Variants in LRP1B observed in about 807,000 individuals in gnomAD.
LRP1B encodes LDL receptor related protein 1B.
In LRP1B, 217 loss-of-function variants were observed where a neutral mutation model predicts 556.6. That is an observed-to-expected ratio of 0.39 (90% CI 0.35 to 0.44). The LOEUF is 0.44. Ranked by LOEUF, LRP1B falls within the 20% of genes least tolerant of loss-of-function variation. The pLI is 1.00. For missense variants in LRP1B, 5,053 were observed against 5,620.8 expected (o/e 0.90, Z 3.23); for synonymous variants, 2,047 against 1,865.8 (o/e 1.10, Z -2.50).
At chr2:141,825,012 G>A (rs945098850) in intron 1 of LRP1B, among the ~76,000 whole-genome samples, 1 of 152,152 alleles carries the variant, frequency 6.6e-6, no homozygotes, top group African/African-American at 2.4e-5. Flanking sequence ...CTGCCACCTT[G>A]TGAAGAAGGT....
chr2:140,985,185 C>T (rs190345930), intron 17 of LRP1B, among the ~76,000 whole-genome samples: 37 of 152,076 alleles, frequency 2.4e-4, no homozygotes, highest in African/African-American at 8.2e-4. Context: ...TCTCACAAGG[C>T]ACACCAACCA....
In LRP1B at chr2:140,886,299, T is replaced by C; in HGVS notation, c.3803A>G (p.His1268Arg). 14 of 1,603,972 alleles carry C rather than the reference T, an allele frequency of 8.7e-6. No homozygotes were observed. The highest frequency in any genetic ancestry group is 1.2e-5 in the Non-Finnish European group (14 of 1,174,278). ...GTGAAGATCAATCCTTCTGATCTCA[T>C]GACGAATAGAAAAGATGATGAATGC... ...FEAFIIFSIRHEIRRIDLHKR... is the reference protein window; with the variant it reads ...FEAFIIFSIRREIRRIDLHKR... Residue 1268 changes from histidine to arginine, a missense_variant, in exon 24 of 91, where the codon CAT becomes CGT. His to Arg is a conservative substitution (Grantham distance 29). Transcript: ENST00000389484.
rs1682980483 is a variant in LRP1B at position 140,371,261 on chromosome 2, T to A, written c.10793A>T (p.Glu3598Val). 1 of 1,585,368 alleles carries A rather than the reference T, an allele frequency of 6.3e-7. No individual in the cohort carries two copies. Among genetic ancestry groups the A allele is most frequent in the Non-Finnish European group, 8.6e-7 (1 of 1,165,520 alleles). ...EPASPTCSSR[E>V]YICASDGCIS... ...ACATCCATCACTGGCACATATATAT[T>A]CACGTGATGAGCAAGTAGGAGAAGC... Residue 3598 changes from glutamate (E) to valine (V), a missense_variant, in exon 70 of 91, where the codon GAA becomes GTA. Physicochemically the swap from Glu to Val is moderately radical, Grantham distance 121. This residue lies in a region of LRP1B where 599 missense variants were observed against 648.4 expected (regional missense o/e 0.92). Coordinates refer to ENST00000389484, the MANE Select transcript of LRP1B (RefSeq NM_018557.3).
chr2:140,463,271 G>A (rs903644707), intron 60 of LRP1B, among the ~76,000 whole-genome samples: 2 of 152,208 alleles, frequency 1.3e-5, no homozygotes, highest in African/African-American at 2.4e-5. Flanking sequence ...CTCCAGAGAA[G>A]GATCGTGGAG....
intron 68 of LRP1B, among the ~76,000 whole-genome samples, chr2:140,374,166 C>A (rs763901749): frequency 2.0e-5 from 3 of 152,176 alleles, no homozygotes; most frequent in African/African-American, 4.8e-5. Context: ...CTAGAAATCA[C>A]CTTCCCTGGG....
intron 20 of LRP1B, among the ~76,000 whole-genome samples, chr2:140,936,908 C>G (rs1196436123): frequency 6.6e-6 from 1 of 152,064 alleles, no homozygotes; most frequent in Non-Finnish European, 1.5e-5. Context: ...CCTCCAATTA[C>G]TTTTGCACCA....
intron 1 of LRP1B, among the ~76,000 whole-genome samples, chr2:141,948,431 A>G (rs1006640383): frequency 6.6e-6 from 1 of 152,024 alleles, no homozygotes; most frequent in African/African-American, 2.4e-5. Flanking sequence ...TATATTTTTG[A>G]CCCAGTAACA....
At chr2:140,841,167 C>CCCTTAGATAGAAAA in intron 29 of LRP1B, 75 bp from the exon 30 acceptor site, 1 of 925,498 alleles carries the variant, frequency 1.1e-6, no homozygotes. Flanking sequence ...TAGTTATTTT[C>CCCTTAGATAGAAAA]TATCTAAGGG....
chr2:141,596,567 C>A (rs775020678), intron 2 of LRP1B, among the ~76,000 whole-genome samples: 3 of 151,934 alleles, frequency 2.0e-5, no homozygotes, highest in Non-Finnish European at 2.9e-5. Context: ...TTCAACATAA[C>A]CACAAATGCA....
At chr2:141,313,337 T>G (rs1417039430) in intron 3 of LRP1B, among the ~76,000 whole-genome samples, 1 of 152,048 alleles carries the variant, frequency 6.6e-6, no homozygotes, top group Non-Finnish European at 1.5e-5. Context: ...TAGAAATTTT[T>G]AGTTCCTCAA....
intron 15 of LRP1B, among the ~76,000 whole-genome samples, chr2:141,004,804 A>G (rs1235292845): frequency 6.6e-6 from 1 of 152,096 alleles, no homozygotes; most frequent in Non-Finnish European, 1.5e-5. Context: ...TAACAGAATA[A>G]TAAGATGCAG....
At chr2:140,911,678 T>C (rs1270705244) in intron 21 of LRP1B, among the ~76,000 whole-genome samples, 1 of 151,788 alleles carries the variant, frequency 6.6e-6, no homozygotes, top group African/African-American at 2.4e-5. Flanking sequence ...AAATATGACA[T>C]TCTATACTTA....
At chr2:142,127,216 C>T (rs1207475558) in intron 1 of LRP1B, among the ~76,000 whole-genome samples, 1 of 151,922 alleles carries the variant, frequency 6.6e-6, no homozygotes. Flanking sequence ...CAGATTCACA[C>T]TGGTGGCACT....
intron 3 of LRP1B, among the ~76,000 whole-genome samples, chr2:141,277,803 C>T (rs139346468): frequency 6.6e-6 from 1 of 151,218 alleles, no homozygotes; most frequent in East Asian, 1.9e-4. Context: ...AGAAGTGGTG[C>T]AGATACAAGA....
At chr2:140,461,790 C>T (rs371490994) in intron 60 of LRP1B, among the ~76,000 whole-genome samples, 5 of 151,646 alleles carry the variant, frequency 3.3e-5, no homozygotes, top group Admixed American at 6.6e-5. Context: ...GCTGTGATCG[C>T]GCCATTGCAC....
intron 1 of LRP1B, among the ~76,000 whole-genome samples, chr2:141,905,754 G>T (rs897345767): frequency 2.1e-5 from 2 of 97,528 alleles, no homozygotes; most frequent in Admixed American, 2.5e-4. Flanking sequence ...AAATGGATCT[G>T]GTTTGAATAG....
intron 41 of LRP1B, among the ~76,000 whole-genome samples, chr2:140,629,315 C>T (rs1367500408): frequency 6.6e-6 from 1 of 151,968 alleles, no homozygotes; most frequent in Admixed American, 6.6e-5. Flanking sequence ...CGATCCACCC[C>T]CCTTGGCCTC....
chr2:141,524,533 A>G (rs995712965), intron 2 of LRP1B, among the ~76,000 whole-genome samples: 2 of 152,068 alleles, frequency 1.3e-5, no homozygotes, highest in African/African-American at 2.4e-5. Flanking sequence ...ACATATTCAT[A>G]AACTTTCTTA....
chr2:141,169,800 C>CAAAAAAAAAAAAAAAA (rs574461113), intron 7 of LRP1B, among the ~76,000 whole-genome samples: 1 of 87,392 alleles, frequency 1.1e-5, no homozygotes, highest in Admixed American at 1.2e-4. Context: ...ACACCTTAAC[C>CAAAAAAAAAAAAAAAA]AAAAAAAAAA....
Sources: allele counts gnomAD v4.1 joint callset (sites outside exome capture counted in the v4.1 genomes callset), GRCh38; gene constraint gnomAD v4.1.1; regional missense constraint gnomAD v4.1.1; transcripts MANE v1.5; gene names NCBI Gene and HGNC (gene_info 2026-07-23, HGNC 2026-07-21).